Variants in SOCS5 observed in about 807,000 individuals in gnomAD.
SOCS5 encodes the protein CIS-6.
Under a neutral mutation model 42.8 loss-of-function variants are expected in SOCS5, and 32 were observed. The observed-to-expected ratio is 0.75, with a 90% CI of 0.56 to 1.01. The LOEUF (loss-of-function observed/expected upper bound fraction) is 1.01. Ranked by LOEUF, SOCS5 falls within the 50% of genes least tolerant of loss-of-function variation. The pLI is 0.00. For missense variants in SOCS5, 627 were observed against 653.0 expected (o/e 0.96, Z 0.43); for synonymous variants, 283 against 229.6 (o/e 1.23, Z -2.10).
intron 1 of SOCS5, among the ~76,000 whole-genome samples, chr2:46,705,053 G>T (rs887650337): frequency 6.6e-6 from 1 of 152,180 alleles, no homozygotes; most frequent in East Asian, 1.9e-4. Context: ...CTGCACTCCA[G>T]ACCTTGCTGT....
intron 1 of SOCS5, among the ~76,000 whole-genome samples, chr2:46,755,690 C>G (rs369447254): frequency 2.3e-4 from 35 of 152,066 alleles, no homozygotes; most frequent in African/African-American, 8.0e-4. Context: ...TTTTTTAGCC[C>G]TGTATAATTT....
rs140938091 is a variant in SOCS5, at chr2:46,711,165, A to T, written c.-13+11716A>T. ...ATGTTTTCTTTTCTCTTGGGTCAAT[A>T]CATGAAGTGGAATTGCTGGGTTTTA... On this transcript the variant is annotated intron_variant, in intron 1 of 1. Coordinates refer to ENST00000394861, the MANE Select transcript of SOCS5 (RefSeq NM_144949.3). 9.6e-3 allele frequency among the ~76,000 whole-genome samples: 1,464 copies of T among 152,324 alleles called. 13 individuals are homozygous for T. Among genetic ancestry groups the T allele is most frequent in the Admixed American group, 0.016 (242 of 15,308 alleles).
At chr2:46,749,728 C>G (rs17035570) in intron 1 of SOCS5, among the ~76,000 whole-genome samples, 21,862 of 151,994 alleles carry the variant, frequency 0.14, 2,141 homozygotes, top group East Asian at 0.42. Flanking sequence ...GATTAGCTAT[C>G]CTTAGTTTTT....
chr2:46,741,698 C>T (rs926636830), intron 1 of SOCS5, among the ~76,000 whole-genome samples: 1 of 152,020 alleles, frequency 6.6e-6, no homozygotes, highest in Non-Finnish European at 1.5e-5. Flanking sequence ...ATGAACATTA[C>T]CAGAATATTA....
rs560906364 is a variant in SOCS5, at chr2:46,699,898, C to T, written c.-13+449C>T. Among the ~76,000 whole-genome samples, 12 of 152,056 alleles carry T rather than the reference C, an allele frequency of 7.9e-5. No individual in the cohort carries two copies. The highest frequency in any genetic ancestry group is 6.5e-4 in the Admixed American group (10 of 15,288). On this transcript the variant is annotated intron_variant, in intron 1 of 1. Coordinates refer to ENST00000394861, the MANE Select transcript of SOCS5 (RefSeq NM_144949.3). The surrounding 1 kb of genome is among the most constrained non-coding windows in gnomAD (Gnocchi z 4.8). ...ACCAAGTCACTTGGGGCTCCAAGAG[C>T]CCGATCTGGGGGTCTTCAAGGTCGA...
intron 1 of SOCS5, among the ~76,000 whole-genome samples, chr2:46,756,822 T>C (rs1212641761): frequency 1.3e-5 from 2 of 152,146 alleles, no homozygotes; most frequent in East Asian, 3.8e-4. Context: ...AACGGAAATC[T>C]TAATTTAAGA....
At position 46,759,815 on chromosome 2, in the gene SOCS5, C is replaced by G. The variant is rs775024625; in HGVS notation, c.1285C>G (p.Arg429Gly). 2 of 1,614,120 alleles carry G rather than the reference C, an allele frequency of 1.2e-6. No homozygotes were observed. The highest frequency in any genetic ancestry group is 1.7e-6 in the Non-Finnish European group (2 of 1,180,016). ...FRRYNRSLHA[R>G]IEQWNHNFSF... ...CCGCTACAACAGATCCCTGCATGCC[C>G]GAATTGAGCAGTGGAATCACAACTT... is the stretch of plus-strand genomic sequence containing the variant. The change falls in exon 2 of 2, where the codon CGA (arginine) becomes GGA (glycine). Residue 429 changes from arginine to glycine, a missense_variant. Transcript: ENST00000394861.
chr2:46,716,428 T>C (rs1672746482), intron 1 of SOCS5, among the ~76,000 whole-genome samples: 1 of 142,972 alleles, frequency 7.0e-6, no homozygotes, highest in East Asian at 2.3e-4. Context: ...TTGAGTTTTG[T>C]CCTGGCAGGC....
chr2:46,709,630 G>T (rs1271900987), intron 1 of SOCS5, among the ~76,000 whole-genome samples: 1 of 152,132 alleles, frequency 6.6e-6, no homozygotes, highest in Non-Finnish European at 1.5e-5. Flanking sequence ...AGGACCTGGT[G>T]AACAAGATTT....
intron 1 of SOCS5, among the ~76,000 whole-genome samples, chr2:46,727,617 C>T (rs1572837427): frequency 6.6e-6 from 1 of 152,004 alleles, no homozygotes; most frequent in African/African-American, 2.4e-5. Flanking sequence ...TTGGGTCTGT[C>T]CTATATGCAG....
At chr2:46,742,403 A>G (rs1462256805) in intron 1 of SOCS5, among the ~76,000 whole-genome samples, 1 of 136,328 alleles carries the variant, frequency 7.3e-6, no homozygotes, top group African/African-American at 2.8e-5. Flanking sequence ...TGTCTGGCAT[A>G]TCTTTTTCTT....
chr2:46,705,904 G>A (rs930421281), intron 1 of SOCS5, among the ~76,000 whole-genome samples: 2 of 152,208 alleles, frequency 1.3e-5, no homozygotes, highest in Non-Finnish European at 2.9e-5. Context: ...GAGTTTTCAT[G>A]TGGCACAGAA....
At chr2:46,753,772 C>G (rs1673676078) in intron 1 of SOCS5, among the ~76,000 whole-genome samples, 1 of 152,120 alleles carries the variant, frequency 6.6e-6, no homozygotes, top group Admixed American at 6.6e-5. Context: ...GTGGGCAATT[C>G]CTGGAACTGA....
At chr2:46,728,354 A>G (rs1211108407) in intron 1 of SOCS5, among the ~76,000 whole-genome samples, 2 of 152,176 alleles carry the variant, frequency 1.3e-5, no homozygotes, top group African/African-American at 4.8e-5. Context: ...TTTGCATTGA[A>G]GCAATGTGTA....
chr2:46,709,383 G>C (rs1353284052), intron 1 of SOCS5, among the ~76,000 whole-genome samples: 1 of 152,188 alleles, frequency 6.6e-6, no homozygotes, highest in African/African-American at 2.4e-5. Flanking sequence ...TCCAATTTCA[G>C]TAAAATAAAT....
At chr2:46,721,630 C>T (rs1031280197) in intron 1 of SOCS5, among the ~76,000 whole-genome samples, 2 of 152,116 alleles carry the variant, frequency 1.3e-5, no homozygotes, top group Non-Finnish European at 2.9e-5. Flanking sequence ...TGAGATAGGT[C>T]ACTTACTTAA....
chr2:46,705,670 T>C (rs1440798690), intron 1 of SOCS5, among the ~76,000 whole-genome samples: 1 of 152,254 alleles, frequency 6.6e-6, no homozygotes, highest in Non-Finnish European at 1.5e-5. Context: ...CTCATTTATC[T>C]AATTATTTAG....
chr2:46,762,532 A>G lies in SOCS5; in HGVS notation c.*2391A>G, dbSNP rs1210566750. 2 of 166,382 alleles carry G rather than the reference A, an allele frequency of 1.2e-5. No homozygotes were observed. The highest frequency in any genetic ancestry group is 6.5e-5 in the Admixed American group (1 of 15,288). 10.3% of individuals were successfully genotyped at this position (166,382 alleles called of 1,614,324 possible). A position where few individuals can be genotyped will look rare whatever the true frequency, so the allele number is the denominator to read the frequency against. ...TAAATGTGTTTGAGTTTATGTAAGC[A>G]TGTATACACTGTGCTAAAAGTCACA... On this transcript the variant is annotated 3_prime_UTR_variant, in exon 2 of 2. Coordinates refer to ENST00000394861, the MANE Select transcript of SOCS5 (RefSeq NM_144949.3).
In SOCS5 at chr2:46,758,968, A is replaced by G; in HGVS notation, c.438A>G (p.Arg146=). Residue 146 remains arginine, a synonymous_variant, in exon 2 of 2, where the codon CGA becomes CGG. Coordinates refer to ENST00000394861, the MANE Select transcript of SOCS5 (RefSeq NM_144949.3). ...LDADKKFGRT[R]SGLQRRERRY... ...CTGATAAAAAGTTTGGTAGAACTCG[A>G]AGTGGACTTCAAAGGAGAGAGAGGC... 6.2e-7 allele frequency: 1 copy of G among 1,613,972 alleles called. No individual in the cohort carries two copies. The highest frequency in any genetic ancestry group is 8.5e-7 in the Non-Finnish European group (1 of 1,179,844).
Sources: allele counts gnomAD v4.1 joint callset (sites outside exome capture counted in the v4.1 genomes callset), GRCh38; gene constraint gnomAD v4.1.1; non-coding constraint Gnocchi (gnomAD v3.1); transcripts MANE v1.5; gene names NCBI Gene and HGNC (gene_info 2026-07-23, HGNC 2026-07-21).